The following HEPH variants were observed in gnomAD, a reference collection of about 807,000 sequenced individuals.
The protein encoded by HEPH is hephaestin.
Under a neutral mutation model 80.8 loss-of-function variants are expected in HEPH, and 69 were observed. The ratio of observed to expected loss-of-function variants is 0.85; its 90% CI spans 0.70 to 1.04. The LOEUF is 1.04. Ranked by LOEUF, HEPH falls within the 50% of genes least tolerant of loss-of-function variation. The probability of loss-of-function intolerance (pLI) is 0.00; values close to 1 mark genes in which losing one functional copy is unlikely to be tolerated. For synonymous variants in HEPH, 431 were observed against 322.8 expected, an observed-to-expected ratio of 1.34 and a Z score of -3.60; for missense variants, 1,115 against 891.3, an observed-to-expected ratio of 1.25 and a Z score of -3.20.
At chrX:66,175,063 T>C (rs746833628) in intron 4 of HEPH, among the ~76,000 whole-genome samples, 2 of 111,904 alleles carry the variant, frequency 1.8e-5, no homozygotes, top group East Asian at 5.6e-4. Context: ...TGCCTTTGGG[T>C]TCTTGGTCAT....
intron 15 of HEPH, among the ~76,000 whole-genome samples, chrX:66,243,741 G>T (rs1386725833): frequency 8.9e-6 from 1 of 112,676 alleles, no homozygotes; most frequent in African/African-American, 3.2e-5. Context: ...ACTTGATTGT[G>T]TGCTTTCTTT....
intron 15 of HEPH, among the ~76,000 whole-genome samples, chrX:66,231,164 G>C (rs1414058278): frequency 1.8e-5 from 2 of 109,924 alleles, no homozygotes; most frequent in Non-Finnish European, 3.8e-5. Context: ...GTACCATGCT[G>C]TTTTGGTTAC....
chrX:66,195,453 GT>G (rs916279451), intron 9 of HEPH, among the ~76,000 whole-genome samples: 4 of 110,973 alleles, frequency 3.6e-5, no homozygotes, highest in Non-Finnish European at 5.7e-5. Flanking sequence ...TTAAAAATAA[GT>G]TTATTATAGA....
chrX:66,248,170 C>G, intron 15 of HEPH, among the ~76,000 whole-genome samples: 1 of 111,763 alleles, frequency 8.9e-6, no homozygotes, highest in Middle Eastern at 4.7e-3. Flanking sequence ...TCAACATGCT[C>G]TAGTACTGTA....
At chrX:66,242,803 C>T (rs915093888) in intron 15 of HEPH, among the ~76,000 whole-genome samples, 4 of 111,551 alleles carry the variant, frequency 3.6e-5, no homozygotes, top group South Asian at 3.7e-4. Context: ...AGATTGAAAC[C>T]GCAATGAGAT....
At chrX:66,244,582 T>C (rs939665865) in intron 15 of HEPH, among the ~76,000 whole-genome samples, 1 of 111,768 alleles carries the variant, frequency 8.9e-6, no homozygotes, top group Non-Finnish European at 1.9e-5. Context: ...TAGATTTTTT[T>C]AAATTGGGTT....
At chrX:66,194,264 G>A (rs2087968420) in intron 8 of HEPH, among the ~76,000 whole-genome samples, 1 of 111,701 alleles carries the variant, frequency 9.0e-6, no homozygotes. Context: ...TCTGATAATG[G>A]ACAATAGATC....
Position 66,183,631 on chromosome X carries a change from G to C in HEPH, c.626-4728G>C, listed in dbSNP as rs1286859429. Among the ~76,000 whole-genome samples, 16 of 53,576 alleles carry C rather than the reference G, an allele frequency of 3.0e-4. 2 individuals are homozygous for C. Among genetic ancestry groups the C allele is most frequent in the Admixed American group, 2.5e-3 (13 of 5,306 alleles). The allele number at this position is 53,576 out of a possible 115,157, so 46.5% of individuals were successfully genotyped here. A position where few individuals can be genotyped will look rare whatever the true frequency, so the allele number is the denominator to read the frequency against. ...GTCTTGCTAGCGGTCTATCAATTTT[G>C]TTGATCCTTTCAAAAAACCAGCTCC... On this transcript the variant is annotated intron_variant, in intron 4 of 20. Coordinates refer to ENST00000343002, the MANE Select transcript of HEPH (RefSeq NM_001367233.3).
intron 17 of HEPH, among the ~76,000 whole-genome samples, chrX:66,257,566 G>C (rs940799445): frequency 2.7e-5 from 3 of 112,190 alleles, no homozygotes; most frequent in African/African-American, 9.7e-5. Flanking sequence ...CACTTCTCTG[G>C]CAACAGATAG....
intron 15 of HEPH, among the ~76,000 whole-genome samples, chrX:66,242,119 T>C (rs1006909286): frequency 6.2e-4 from 67 of 107,751 alleles, no homozygotes; most frequent in African/African-American, 2.2e-3. Flanking sequence ...CTTTAAACTA[T>C]ACTACAAGGC....
At chrX:66,208,067 C>A in intron 14 of HEPH, 48 bp from the exon 15 acceptor site, 1 of 993,419 alleles carries the variant, frequency 1.0e-6, no homozygotes, top group South Asian at 2.2e-5. Context: ...TCCCTGTGCT[C>A]CTGCATTAAT....
intron 15 of HEPH, among the ~76,000 whole-genome samples, chrX:66,229,699 T>C (rs761380796): frequency 2.2e-4 from 25 of 112,466 alleles, no homozygotes; most frequent in African/African-American, 8.1e-4. Flanking sequence ...TTAGATGGCA[T>C]AGATTCTAAT....
intron 15 of HEPH, among the ~76,000 whole-genome samples, chrX:66,227,855 C>T (rs746681363): frequency 1.8e-5 from 2 of 111,186 alleles, no homozygotes; most frequent in African/African-American, 6.5e-5. Flanking sequence ...CTTCTTTTTG[C>T]TTCACCTTGC....
In HEPH at chrX:66,172,690, T is replaced by C. The variant is rs977357506; in HGVS notation, c.412+91T>C. On this transcript the variant is annotated intron_variant, in intron 3 of 20. Coordinates refer to ENST00000343002, the MANE Select transcript of HEPH (RefSeq NM_001367233.3). ...GAAGGAGAAGAACTGGTAGTGAAGATTTTCTTTTCTTCCTATTTATCTGAG... is the reference window on the plus strand; with the variant it reads ...GAAGGAGAAGAACTGGTAGTGAAGACTTTCTTTTCTTCCTATTTATCTGAG... 13 of 945,850 alleles carry C rather than the reference T, an allele frequency of 1.4e-5. No individual in the cohort carries two copies. The African/African-American group carries it at 1.6e-4, about 12-fold the overall frequency. 77.9% of individuals were successfully genotyped at this position (945,850 alleles called of 1,213,427 possible). A position where few individuals can be genotyped will look rare whatever the true frequency, so the allele number is the denominator to read the frequency against.
intron 15 of HEPH, among the ~76,000 whole-genome samples, chrX:66,221,969 G>T (rs769753258): frequency 1.8e-5 from 2 of 112,374 alleles, no homozygotes; most frequent in African/African-American, 3.2e-5. Flanking sequence ...CCCTATGGTT[G>T]ATGAAATGCC....
rs2088186335 is a variant in HEPH, at chrX:66,197,798, C to T, written c.1617C>T (p.Tyr539=). The T allele has an allele frequency of 2.5e-6, 3 of 1,209,847 alleles. No individual in the cohort carries two copies. Among genetic ancestry groups the T allele is most frequent in the African/African-American group, 3.5e-5 (2 of 57,256 alleles). Residue 539 remains tyrosine (Y), a synonymous_variant, in exon 10 of 21, where the codon TAC becomes TAT. Transcript: ENST00000343002. ...ATCCTGCTTGTCTCACTTGGATGTACTTCTCTGCTGCAGATCCCATAAGAG... is the reference window on the plus strand; with the variant it reads ...ATCCTGCTTGTCTCACTTGGATGTATTTCTCTGCTGCAGATCCCATAAGAG... ...AQDPACLTWM[Y]FSAADPIRDT... is the part of the protein sequence containing the mutation.
intron 1 of HEPH, among the ~76,000 whole-genome samples, chrX:66,167,997 C>T (rs1029836588): frequency 1.4e-4 from 16 of 111,776 alleles, no homozygotes; most frequent in Admixed American, 6.6e-4. Context: ...ATCGCCATGT[C>T]GTAATAGATA....
chrX:66,198,015 G>A lies in HEPH; in HGVS notation c.1713+121G>A, dbSNP rs1048921485. On this transcript the variant is annotated intron_variant, in intron 10 of 20. Transcript: ENST00000343002. ...TAGGGAATAGAAGAAAAATAATCAA[G>A]CTGGTCCATCAGAAATTAATAGTTG... is the stretch of plus-strand genomic sequence containing the variant. 4 of 571,792 alleles carry A rather than the reference G, an allele frequency of 7.0e-6. No individual in the cohort carries two copies. In the African/African-American group the frequency reaches 9.1e-5, roughly 13 times the overall value. 47.1% of individuals were successfully genotyped at this position (571,792 alleles called of 1,213,427 possible).
intron 10 of HEPH, among the ~76,000 whole-genome samples, chrX:66,198,132 T>C (rs980235344): frequency 1.8e-5 from 2 of 110,546 alleles, no homozygotes; most frequent in African/African-American, 6.6e-5. Context: ...CCTTTCATCA[T>C]CTTCTTCTTT....
Sources: gnomAD v4.1 joint callset for allele counts (sites outside exome capture counted in the v4.1 genomes callset) on GRCh38, gnomAD v4.1.1 for gene constraint, MANE v1.5 for transcripts, NCBI Gene and HGNC (gene_info 2026-07-23, HGNC 2026-07-21) for gene names.